Variants in ZNF470 observed in about 807,000 individuals in gnomAD.
ZNF470 encodes the protein chondrogenesis zinc finger protein 1.
Under a neutral mutation model 13.9 loss-of-function variants are expected in ZNF470, and 13 were observed. The ratio of observed to expected loss-of-function variants is 0.94; its 90% CI spans 0.61 to 1.49. ZNF470 has a LOEUF of 1.49. ZNF470 is among the 40% of genes most tolerant of loss of function. ZNF470 has a pLI of 0.00. For synonymous variants in ZNF470, 293 were observed against 282.9 expected, an observed-to-expected ratio of 1.04 and a Z score of -0.36; for missense variants, 929 against 857.3, an observed-to-expected ratio of 1.08 and a Z score of -1.04.
chr19:56,570,053 C>G (rs1343364493), intron 2 of ZNF470: 2 of 426,218 alleles, frequency 4.7e-6, no homozygotes, highest in Non-Finnish European at 8.6e-6. Flanking sequence ...GAATTGGTGG[C>G]TGATGGGGAG....
chr19:56,579,565 T>C lies in ZNF470; in HGVS notation c.*982T>C. The C allele has an allele frequency of 1.0e-6, 1 of 985,460 alleles. No homozygotes were observed. The highest frequency in any genetic ancestry group is 1.2e-6 in the Non-Finnish European group (1 of 829,932). 61.0% of individuals were successfully genotyped at this position (985,460 alleles called of 1,614,324 possible). On this transcript the variant is annotated 3_prime_UTR_variant, in exon 6 of 6. Coordinates refer to ENST00000330619, the MANE Select transcript of ZNF470 (RefSeq NM_001001668.4). Reference sequence around the variant, plus strand: ...AAAAGGGTAGTTCAATACTTTGGCCTTTATAAAAGTACCACAGACAATTCG... The same window carrying C: ...AAAAGGGTAGTTCAATACTTTGGCCCTTATAAAAGTACCACAGACAATTCG...
In ZNF470 at chr19:56,578,089, C is replaced by T; in HGVS notation, c.1660C>T (p.Gln554Ter). 1.2e-6 allele frequency: 2 copies of T among 1,614,000 alleles called. No individual in the cohort carries two copies. Among genetic ancestry groups the T allele is most frequent in the Admixed American group, 3.3e-5 (2 of 59,986 alleles). Residue 554 changes from glutamine to a stop codon, truncating the protein, a stop_gained, in exon 6 of 6, where the codon CAG becomes TAG. Transcript: ENST00000330619. LOFTEE classifies it low-confidence loss of function (END_TRUNC). ...KAFSQIAHLV[Q>*]HQRVHTGEKP... ...CTTCAGTCAGATTGCACACCTTGTT[C>T]AGCACCAGAGAGTTCATACTGGTGA...
At chr19:56,576,537 G>A (rs532524665) in intron 5 of ZNF470, among the ~76,000 whole-genome samples, 176 bp from the exon 6 acceptor site, 1 of 152,168 alleles carries the variant, frequency 6.6e-6, no homozygotes, top group Admixed American at 6.5e-5. Context: ...TGGCCAAGGA[G>A]GATTTATTAC....
At position 56,577,931 on chromosome 19, in the gene ZNF470, G is replaced by A. The variant is rs796206802; in HGVS notation, c.1502G>A (p.Arg501Lys). 6.2e-7 allele frequency: 1 copy of A among 1,614,084 alleles called. No individual in the cohort carries two copies. The highest frequency in any genetic ancestry group is 1.1e-5 in the South Asian group (1 of 91,086). Residue 501 changes from arginine to lysine, a missense_variant, in exon 6 of 6, where the codon AGA (arginine) becomes AAA (lysine). Coordinates refer to ENST00000330619, the MANE Select transcript of ZNF470 (RefSeq NM_001001668.4). ...RQSTHLAHHQ[R>K]IHTGEKPYEC... ...AGCACGCATCTGGCTCATCATCAGA[G>A]AATTCATACTGGAGAGAAACCTTAT... is the stretch of plus-strand genomic sequence containing the variant.
At position 56,578,108 on chromosome 19, in the gene ZNF470, C is replaced by G. The variant is rs778390400; in HGVS notation, c.1679C>G (p.Thr560Ser). The change falls in exon 6 of 6, where the codon ACT becomes AGT. Residue 560 changes from threonine to serine, a missense_variant. Thr to Ser is a moderately conservative substitution (Grantham distance 58, BLOSUM62 1). Transcript: ENST00000330619. ...AHLVQHQRVH[T>S]GEKPYECIEC... ...CTTGTTCAGCACCAGAGAGTTCATA[C>G]TGGTGAGAAGCCTTACGAATGTATT... The G allele has an allele frequency of 5.0e-6, 8 of 1,614,064 alleles. No individual in the cohort carries two copies. The highest frequency in any genetic ancestry group is 6.8e-6 in the Non-Finnish European group (8 of 1,180,006).
chr19:56,578,441 A>T lies in ZNF470; in HGVS notation c.2012A>T (p.His671Leu), dbSNP rs745678092. 6.2e-7 allele frequency: 1 copy of T among 1,612,928 alleles called. No homozygotes were observed. Among genetic ancestry groups the T allele is most frequent in the Non-Finnish European group, 8.5e-7 (1 of 1,179,382 alleles). Reference sequence around the variant, plus strand: ...CATCTTACTCTACATAAGAGAATTCATACTGGAGAAAGGCCCTATGAGTGT... The same window carrying T: ...CATCTTACTCTACATAAGAGAATTCTTACTGGAGAAAGGCCCTATGAGTGT... ...VAHLTLHKRI[H>L]TGERPYECKE... The change falls in exon 6 of 6, where the codon CAT (histidine) becomes CTT (leucine). Residue 671 changes from histidine (H) to leucine (L), a missense_variant. Coordinates refer to ENST00000330619, the MANE Select transcript of ZNF470 (RefSeq NM_001001668.4).
intron 3 of ZNF470, among the ~76,000 whole-genome samples, chr19:56,570,755 A>C (rs2044446331): frequency 6.6e-6 from 1 of 152,202 alleles, no homozygotes; most frequent in Non-Finnish European, 1.5e-5. Flanking sequence ...GGAGAAATGA[A>C]AAGGCAGCAA....
Position 56,578,002 on chromosome 19 carries a change from G to A in ZNF470, c.1573G>A (p.Ala525Thr), listed in dbSNP as rs140617949. Residue 525 changes from alanine to threonine, a missense_variant, in exon 6 of 6, where the codon GCG (alanine) becomes ACG (threonine). Ala to Thr is a moderately conservative substitution (Grantham distance 58, BLOSUM62 0). Coordinates refer to ENST00000330619, the MANE Select transcript of ZNF470 (RefSeq NM_001001668.4). ...SKTFSQNAHL[A>T]QHQKIHTGEK... ...AACCTTCAGCCAGAATGCACACCTC[G>A]CGCAACATCAGAAAATACACACTGG... 9.3e-4 allele frequency: 1,508 copies of A among 1,612,980 alleles called. 4 individuals are homozygous for A. Among genetic ancestry groups the A allele is most frequent in the South Asian group, 7.9e-3 (716 of 91,010 alleles).
rs190748782 is a variant in ZNF470, at chr19:56,575,717, C to T, written c.283+984C>T. On this transcript the variant is annotated intron_variant, in intron 5 of 5. Transcript: ENST00000330619. ...TGAACTTTTGGGCTCAAGCAATACT[C>T]CCACCACAGCTTCTTGAGTAGCTAG... Among the ~76,000 whole-genome samples, 14 of 152,150 alleles carry T rather than the reference C, an allele frequency of 9.2e-5. No individual in the cohort carries two copies. In the East Asian group the frequency reaches 1.3e-3, roughly 15 times the overall value.
At position 56,577,155 on chromosome 19, in the gene ZNF470, C is replaced by T; in HGVS notation, c.726C>T (p.Thr242=). The T allele has an allele frequency of 1.9e-6, 3 of 1,613,348 alleles. No homozygotes were observed. Among genetic ancestry groups the T allele is most frequent in the Non-Finnish European group, 2.5e-6 (3 of 1,179,806 alleles). Residue 242 remains threonine, a synonymous_variant, in exon 6 of 6, where the codon ACC becomes ACT. Coordinates refer to ENST00000330619, the MANE Select transcript of ZNF470 (RefSeq NM_001001668.4). The part of the protein sequence containing the change: ...DCEKIFSKIS[T]LTLHQRIHTG... The stretch of plus-strand genomic sequence containing the variant: ...AGAAAATATTCAGCAAAATCTCAAC[C>T]CTTACTCTTCACCAAAGAATTCATA...
chr19:56,567,627 C>T lies in ZNF470; in HGVS notation c.-570C>T, dbSNP rs1484996624. On this transcript the variant is annotated 5_prime_UTR_variant, in exon 1 of 6. Transcript: ENST00000330619. Reference sequence around the variant, plus strand: ...GCGGGCGTGAGCGTGCGCGTGTGGCCTGGTGGCTGTGAGTGCCCATACGTG... The same window carrying T: ...GCGGGCGTGAGCGTGCGCGTGTGGCTTGGTGGCTGTGAGTGCCCATACGTG... 4.0e-6 allele frequency: 4 copies of T among 988,494 alleles called. No individual in the cohort carries two copies. In the African/African-American group the frequency reaches 5.2e-5, roughly 13 times the overall value. 61.2% of individuals were successfully genotyped at this position (988,494 alleles called of 1,614,324 possible).
chr19:56,575,173 T>G (rs187606040), intron 5 of ZNF470, among the ~76,000 whole-genome samples: 1 of 152,262 alleles, frequency 6.6e-6, no homozygotes, highest in African/African-American at 2.4e-5. Context: ...TATTCTTGTT[T>G]TGTTGTTTAT....
At position 56,577,839 on chromosome 19, in the gene ZNF470, T is replaced by C. The variant is rs140590806; in HGVS notation, c.1410T>C (p.Leu470=). The change falls in exon 6 of 6, where the codon CTT becomes CTC. Residue 470 remains leucine, a synonymous_variant. Transcript: ENST00000330619. ...KAFSHRGSLT[L]HQRVHTGEKP... ...TCAGCCATCGTGGGTCTCTTACTCT[T>C]CATCAGAGAGTTCATACTGGAGAGA... is the stretch of plus-strand genomic sequence containing the variant. The C allele has an allele frequency of 6.2e-7, 1 of 1,612,754 alleles. No homozygotes were observed. Among genetic ancestry groups the C allele is most frequent in the Non-Finnish European group, 8.5e-7 (1 of 1,179,510 alleles).
In ZNF470 at chr19:56,579,428, A is replaced by G. The variant is rs907905391; in HGVS notation, c.*845A>G. On this transcript the variant is annotated 3_prime_UTR_variant, in exon 6 of 6. Coordinates refer to ENST00000330619, the MANE Select transcript of ZNF470 (RefSeq NM_001001668.4). The stretch of plus-strand genomic sequence containing the variant: ...CAGAGCCAGACACTGTCTCAAGGAA[A>G]AACAAAGAACAAAAGCATTTGGTAG... 16 of 985,236 alleles carry G rather than the reference A, an allele frequency of 1.6e-5. No individual in the cohort carries two copies. In the African/African-American group the frequency reaches 2.3e-4, roughly 14 times the overall value. The allele number at this position is 985,236 out of a possible 1,614,324, so 61.0% of individuals were successfully genotyped here. A position where few individuals can be genotyped will look rare whatever the true frequency, so the allele number is the denominator to read the frequency against.
Position 56,567,959 on chromosome 19 carries a change from C to T in ZNF470, c.-238C>T. The T allele has an allele frequency of 2.0e-6, 2 of 985,702 alleles. No individual in the cohort carries two copies. Among genetic ancestry groups the T allele is most frequent in the Non-Finnish European group, 2.4e-6 (2 of 830,172 alleles). 61.1% of individuals were successfully genotyped at this position (985,702 alleles called of 1,614,324 possible). A position where few individuals can be genotyped will look rare whatever the true frequency, so the allele number is the denominator to read the frequency against. ...CTGAAGCATTTCCTGTCAGCCCTATCTGGAAGGGGCAGAGCCCAGGACAGG... is the reference window on the plus strand; with the variant it reads ...CTGAAGCATTTCCTGTCAGCCCTATTTGGAAGGGGCAGAGCCCAGGACAGG... On this transcript the variant is annotated 5_prime_UTR_variant, in exon 1 of 6. Coordinates refer to ENST00000330619, the MANE Select transcript of ZNF470 (RefSeq NM_001001668.4).
At position 56,567,957 on chromosome 19, in the gene ZNF470, A is replaced by G. The variant is rs2044423483; in HGVS notation, c.-240A>G. 1.0e-6 allele frequency: 1 copy of G among 985,566 alleles called. No individual in the cohort carries two copies. Among genetic ancestry groups the G allele is most frequent in the Non-Finnish European group, 1.2e-6 (1 of 830,190 alleles). The allele number at this position is 985,566 out of a possible 1,614,324, so 61.1% of individuals were successfully genotyped here. ...GGCTGAAGCATTTCCTGTCAGCCCT[A>G]TCTGGAAGGGGCAGAGCCCAGGACA... is the stretch of plus-strand genomic sequence containing the variant. On this transcript the variant is annotated 5_prime_UTR_variant, in exon 1 of 6. Transcript: ENST00000330619.
At chr19:56,568,119 G>C in intron 1 of ZNF470, 81 bp downstream of exon 1, 1 of 985,944 alleles carries the variant, frequency 1.0e-6, no homozygotes. Context: ...TCAGGTGCTG[G>C]AGGAGGATGT....
intron 3 of ZNF470, among the ~76,000 whole-genome samples, chr19:56,573,266 A>G (rs1346848990): frequency 6.6e-6 from 1 of 152,164 alleles, no homozygotes; most frequent in East Asian, 1.9e-4. Context: ...AAGCAATTAC[A>G]TCATGCCAGG....
intron 3 of ZNF470, among the ~76,000 whole-genome samples, chr19:56,572,371 A>AATAT (rs1555772221): frequency 0.092 from 1,575 of 17,180 alleles, 191 homozygotes; most frequent in Non-Finnish European, 0.1. Flanking sequence ...AAAAAAAAAA[A>AATAT]ATATATATAT....
Sources: gnomAD v4.1 joint callset for allele counts (sites outside exome capture counted in the v4.1 genomes callset) on GRCh38, gnomAD v4.1.1 for gene constraint, MANE v1.5 for transcripts, NCBI Gene and HGNC (gene_info 2026-07-23, HGNC 2026-07-21) for gene names.